EHBP1: variants seen among roughly 807,000 people sequenced by gnomAD.
The protein encoded by EHBP1 is EH domain-binding protein 1.
In EHBP1, 55 loss-of-function variants were observed where a neutral mutation model predicts 144.0. That is an observed-to-expected ratio of 0.38 (90% CI 0.31 to 0.48). The LOEUF (loss-of-function observed/expected upper bound fraction) is 0.48. EHBP1 is among the 20% of genes least tolerant of loss of function. The pLI, the probability that EHBP1 is intolerant of heterozygous loss-of-function variation, is 0.98. For missense variants in EHBP1, 1,200 were observed against 1,364.2 expected (o/e 0.88, Z 1.90); for synonymous variants, 469 against 472.7 (o/e 0.99, Z 0.10).
chr2:62,841,509 A>C (rs998760377), intron 7 of EHBP1, among the ~76,000 whole-genome samples: 1 of 152,244 alleles, frequency 6.6e-6, no homozygotes, highest in South Asian at 2.1e-4. Flanking sequence ...TAAAAAAAAT[A>C]AAGCAAAATT....
intron 10 of EHBP1, 105 bp downstream of exon 10, chr2:62,874,637 TA>T: frequency 1.0e-6 from 1 of 957,128 alleles, no homozygotes; most frequent in South Asian, 1.8e-5. Flanking sequence ...TTTGATGATT[TA>T]AAAATAATAT....
At chr2:62,831,273 A>G in intron 7 of EHBP1, 115 bp downstream of exon 7, 1 of 994,818 alleles carries the variant, frequency 1.0e-6, no homozygotes, top group Non-Finnish European at 1.4e-6. Flanking sequence ...TTTTTTCTTT[A>G]AGCCTTTCTA....
intron 7 of EHBP1, among the ~76,000 whole-genome samples, chr2:62,848,185 T>G (rs555099158): frequency 7.9e-5 from 12 of 152,082 alleles, no homozygotes; most frequent in Admixed American, 4.6e-4. Flanking sequence ...TTCAAGCGGT[T>G]CTTCTGCCTC....
intron 5 of EHBP1, among the ~76,000 whole-genome samples, chr2:62,822,915 CAAT>C (rs2046086980): frequency 6.6e-6 from 1 of 151,980 alleles, no homozygotes; most frequent in African/African-American, 2.4e-5. Context: ...CTTTTTATAA[CAAT>C]GAGAATAGTT....
intron 3 of EHBP1, among the ~76,000 whole-genome samples, chr2:62,764,011 A>G (rs1316885088): frequency 6.6e-6 from 1 of 151,994 alleles, no homozygotes; most frequent in Non-Finnish European, 1.5e-5. Flanking sequence ...GTATGAGGGG[A>G]TAAAGATTTG....
intron 2 of EHBP1, among the ~76,000 whole-genome samples, chr2:62,727,152 C>G (rs572629099): frequency 6.6e-6 from 1 of 152,156 alleles, no homozygotes; most frequent in Non-Finnish European, 1.5e-5. Context: ...TGAGCCACTG[C>G]GCCCGGCCTA....
chr2:62,689,409 G>T (rs150766160), intron 1 of EHBP1, among the ~76,000 whole-genome samples: 1 of 152,332 alleles, frequency 6.6e-6, no homozygotes, highest in African/African-American at 2.4e-5. Context: ...TTGGGAGGCC[G>T]AAGTGGGCAG....
At chr2:62,684,423 T>G (rs572441511) in intron 1 of EHBP1, among the ~76,000 whole-genome samples, 8 of 152,138 alleles carry the variant, frequency 5.3e-5, no homozygotes, top group Admixed American at 1.3e-4. Context: ...AAAGTAAAGC[T>G]TTTCAGCAAG....
intron 7 of EHBP1, among the ~76,000 whole-genome samples, chr2:62,854,293 T>C (rs561291339): frequency 6.6e-6 from 1 of 152,376 alleles, no homozygotes; most frequent in African/African-American, 2.4e-5. Context: ...ATGCATTTTT[T>C]AAAAGTTTCA....
In EHBP1 at chr2:62,676,310, A is replaced by G. The variant is rs148166510; in HGVS notation, c.-296+2227A>G. ...TAGTAAGATATCACTGAAGATACAGATGTAAAATATTTCATTTGGCTTTTA... is the reference window on the plus strand; with the variant it reads ...TAGTAAGATATCACTGAAGATACAGGTGTAAAATATTTCATTTGGCTTTTA... On this transcript the variant is annotated intron_variant, in intron 1 of 22. Coordinates refer to the EHBP1 transcript ENST00000405015. Among the ~76,000 whole-genome samples the G allele has an allele frequency of 2.0e-3, 304 of 152,376 alleles. 1 individual carries two copies. Among genetic ancestry groups the G allele is most frequent in the Admixed American group, 2.9e-3 (45 of 15,314 alleles).
chr2:62,712,970 C>A (rs966510318), intron 2 of EHBP1, among the ~76,000 whole-genome samples: 1 of 152,018 alleles, frequency 6.6e-6, no homozygotes, highest in Non-Finnish European at 1.5e-5. Context: ...AAAATAAATA[C>A]CTTTAAAATA....
chr2:62,956,444 T>C (rs989975148), intron 14 of EHBP1, among the ~76,000 whole-genome samples: 2 of 152,188 alleles, frequency 1.3e-5, no homozygotes, highest in Admixed American at 6.5e-5. Flanking sequence ...CCTTGTTGCA[T>C]GTGTTTCACG....
At position 63,045,163 on chromosome 2, in the gene EHBP1, G is replaced by T; in HGVS notation, c.3375G>T (p.Leu1125=). ...AGCGCGATGCGCTCGTCAGGGACCT[G>T]GACGCGCAGGAGAAGCAGTGAGTGG... ...VNKRDALVRD[L]DAQEKQAEEE... is the part of the protein sequence containing the mutation. The change falls in exon 22 of 23, where the codon CTG becomes CTT. Residue 1125 remains leucine, a synonymous_variant. Coordinates refer to ENST00000431489, the MANE Select transcript of EHBP1 (RefSeq NM_001142616.3). The surrounding 1 kb of genome is among the most constrained non-coding windows in gnomAD (Gnocchi z 5.7). The T allele has an allele frequency of 6.3e-7, 1 of 1,589,750 alleles. No homozygotes were observed. The highest frequency in any genetic ancestry group is 8.6e-7 in the Non-Finnish European group (1 of 1,167,420).
chr2:62,868,304 G>A (rs751780983), intron 9 of EHBP1, among the ~76,000 whole-genome samples: 20 of 152,052 alleles, frequency 1.3e-4, no homozygotes, highest in Non-Finnish European at 2.1e-4. Flanking sequence ...GCTTGAACCC[G>A]AGAAGTGGAG....
intron 5 of EHBP1, among the ~76,000 whole-genome samples, chr2:62,816,605 G>T (rs542070277): frequency 6.6e-6 from 1 of 152,202 alleles, no homozygotes; most frequent in African/African-American, 2.4e-5. Flanking sequence ...ATAAGAGGAG[G>T]TTAAATGTCA....
intron 5 of EHBP1, among the ~76,000 whole-genome samples, chr2:62,815,206 C>T (rs1481900971): frequency 6.6e-6 from 1 of 152,148 alleles, no homozygotes; most frequent in African/African-American, 2.4e-5. Context: ...ATAAGACCCC[C>T]TTGTTGCATA....
chr2:63,001,007 T>C (rs1187751200), intron 19 of EHBP1, among the ~76,000 whole-genome samples: 2 of 152,214 alleles, frequency 1.3e-5, no homozygotes, highest in Non-Finnish European at 2.9e-5. Flanking sequence ...AGCAATGTTG[T>C]AACCCATGAA....
intron 7 of EHBP1, among the ~76,000 whole-genome samples, chr2:62,845,917 G>A (rs1312171114): frequency 6.6e-6 from 1 of 152,164 alleles, no homozygotes; most frequent in Non-Finnish European, 1.5e-5. Flanking sequence ...GAGGAAAGCA[G>A]AGAGGTAGGG....
intron 19 of EHBP1, among the ~76,000 whole-genome samples, chr2:63,019,993 G>C (rs1276482736): frequency 1.3e-5 from 2 of 151,074 alleles, no homozygotes; most frequent in East Asian, 3.9e-4. Flanking sequence ...ATTGGAGACC[G>C]GCCTGGCCAA....
Sources: allele counts gnomAD v4.1 joint callset (sites outside exome capture counted in the v4.1 genomes callset), GRCh38; gene constraint gnomAD v4.1.1; non-coding constraint Gnocchi (gnomAD v3.1); transcripts MANE v1.5; gene names NCBI Gene and HGNC (gene_info 2026-07-23, HGNC 2026-07-21).